Variants in IRX2 observed in about 807,000 individuals in gnomAD.
The protein encoded by IRX2 is iroquois homeobox 2.
In IRX2, 26 loss-of-function variants were observed where a neutral mutation model predicts 42.9. The observed-to-expected ratio is 0.61, with a 90% CI of 0.44 to 0.84. The LOEUF (loss-of-function observed/expected upper bound fraction) is 0.84, where lower values mean the gene tolerates loss of function less well. Ranked by LOEUF, IRX2 falls within the 40% of genes least tolerant of loss-of-function variation. The pLI is 0.00. For missense variants in IRX2, 782 were observed against 713.9 expected, an observed-to-expected ratio of 1.10 and a Z score of -1.09; for synonymous variants, 424 against 353.9, an observed-to-expected ratio of 1.20 and a Z score of -2.22.
At position 2,751,055 on chromosome 5, in the gene IRX2, C is replaced by T; in HGVS notation, c.249+110G>A. ...AGCCGGCGACTCCTGAGTCGCCAGC[C>T]GCGCCACATTCCCGGCGGCCCCCGC... On this transcript the variant is annotated intron_variant, in intron 1 of 3. Coordinates refer to ENST00000302057, the MANE Select transcript of IRX2 (RefSeq NM_033267.5). The surrounding 1 kb of genome is among the most constrained non-coding windows in gnomAD (Gnocchi z 4.0). 2.6e-6 allele frequency: 3 copies of T among 1,151,312 alleles called. No homozygotes were observed. Among genetic ancestry groups the T allele is most frequent in the Non-Finnish European group, 3.2e-6 (3 of 929,622 alleles). 71.3% of individuals were successfully genotyped at this position (1,151,312 alleles called of 1,614,324 possible). A position where few individuals can be genotyped will look rare whatever the true frequency, so the allele number is the denominator to read the frequency against.
rs1737778823 is a variant in IRX2 at position 2,748,573 on chromosome 5, C to T, written c.1135G>A (p.Gly379Ser). 6.4e-7 allele frequency: 1 copy of T among 1,562,360 alleles called. No individual in the cohort carries two copies. Among genetic ancestry groups the T allele is most frequent in the African/African-American group, 1.4e-5 (1 of 70,404 alleles). The change falls in exon 3 of 4, where the codon GGC becomes AGC. Residue 379 changes from glycine to serine, a missense_variant. Physicochemically the swap from Gly to Ser is moderately conservative, Grantham distance 56. This residue lies in a region of IRX2 where 520 missense variants were observed against 437.8 expected (regional missense o/e 1.19). Coordinates refer to ENST00000302057, the MANE Select transcript of IRX2 (RefSeq NM_033267.5). ...GGCGACGTGTAGTAGAGGGGGCGGC[C>T]CAGCAGCGGCGAGGCAGGGTAGGGC... ...GSPYPASPLL[G>S]RPLYYTSPFY...
chr5:2,739,725 C>T, the IRX2 span, among the ~76,000 whole-genome samples: 1 of 152,186 alleles, frequency 6.6e-6, no homozygotes, highest in Non-Finnish European at 1.5e-5. Flanking sequence ...CCTGCGCGCG[C>T]GGTTCCCAGA....
rs762129355 is a variant in IRX2, at chr5:2,748,818, C to T, written c.890G>A (p.Ser297Asn). The T allele has an allele frequency of 3.3e-6, 5 of 1,511,226 alleles. No individual in the cohort carries two copies. The South Asian group carries it at 6.2e-5, about 19-fold the overall frequency. The allele number at this position is 1,511,226 out of a possible 1,614,324, so 93.6% of individuals were successfully genotyped here. A position where few individuals can be genotyped will look rare whatever the true frequency, so the allele number is the denominator to read the frequency against. Residue 297 changes from serine to asparagine, a missense_variant, in exon 3 of 4, where the codon AGC becomes AAC. Around this residue, in one of 3 missense-constraint regions of IRX2, gnomAD observed 520 missense variants for 437.8 expected, o/e 1.19. Transcript: ENST00000302057. ...GCGGGGCGCGGCCTCGGGCGGGGGG[C>T]TCAGCAGCGGCGCCTCCAAGCCGGT... is the stretch of plus-strand genomic sequence containing the variant. Reference protein sequence around the residue: ...PLTGLEAPLLSPPPEAAPRGG... With the variant: ...PLTGLEAPLLNPPPEAAPRGG...
downstream of IRX2, chr5:2,746,143 A>G (rs139983014): frequency 6.6e-6 from 1 of 152,250 alleles, no homozygotes; most frequent in Admixed American, 6.5e-5. Flanking sequence ...TCTTCTAGGA[A>G]AAATAAGCCC....
chr5:2,737,446 T>A, the IRX2 span: 1 of 152,216 alleles, frequency 6.6e-6, no homozygotes, highest in South Asian at 2.1e-4. Flanking sequence ...TGGCTTCATC[T>A]AACTAACAAG....
chr5:2,749,761 G>A lies in IRX2; in HGVS notation c.276C>T (p.Thr92=), dbSNP rs753673663. 2.5e-6 allele frequency: 4 copies of A among 1,610,396 alleles called. No homozygotes were observed. The highest frequency in any genetic ancestry group is 1.1e-5 in the South Asian group (1 of 90,888). The change falls in exon 2 of 4, where the codon ACC becomes ACT. Residue 92 remains threonine (T), a synonymous_variant. Coordinates refer to ENST00000302057, the MANE Select transcript of IRX2 (RefSeq NM_033267.5). ...YMGAPYDAHT[T]GMTGAISYHP... is the part of the protein sequence containing the mutation. ...GGTAGCTGATGGCGCCGGTCATGCCGGTGGTGTGCGCGTCGTAGGGTGCGC... is the reference window on the plus strand; with the variant it reads ...GGTAGCTGATGGCGCCGGTCATGCCAGTGGTGTGCGCGTCGTAGGGTGCGC...
rs1560952787 is a variant in IRX2, at chr5:2,751,299, A to T, written c.115T>A (p.Ser39Thr). ...AAPRSEELARSASGSAFSPYP... is the reference protein window; with the variant it reads ...AAPRSEELARTASGSAFSPYP... ...GGGCTGAACGCCGAGCCCGACGCCG[A>T]GCGCGCCAGCTCCTCGCTGCGCGGA... Residue 39 changes from serine (S) to threonine (T), a missense_variant, in exon 1 of 4, where the codon TCG (serine) becomes ACG (threonine). Physicochemically the swap from Ser to Thr is moderately conservative, Grantham distance 58 (BLOSUM62 1). Coordinates refer to ENST00000302057, the MANE Select transcript of IRX2 (RefSeq NM_033267.5). This position sits in a 1 kb window ranked among gnomAD's most constrained non-coding sequence, Gnocchi z 4.0. 1 of 1,433,986 alleles carries T rather than the reference A, an allele frequency of 7.0e-7. No homozygotes were observed. Among genetic ancestry groups the T allele is most frequent in the Non-Finnish European group, 9.1e-7 (1 of 1,093,942 alleles). 88.8% of individuals were successfully genotyped at this position (1,433,986 alleles called of 1,614,324 possible).
In IRX2 at chr5:2,751,236, T is replaced by C; in HGVS notation, c.178A>G (p.Thr60Ala). The change falls in exon 1 of 4, where the codon ACC becomes GCC. Residue 60 changes from threonine (T) to alanine (A), a missense_variant. Transcript: ENST00000302057. The surrounding 1 kb of genome is among the most constrained non-coding windows in gnomAD (Gnocchi z 4.0). ...GSAAFTAQAA[T>A]GFGSPLQYSA... The stretch of plus-strand genomic sequence containing the variant: ...TACTGCAGCGGGCTCCCGAAGCCGG[T>C]GGCCGCCTGCGCCGTGAAGGCCGCC... The C allele has an allele frequency of 7.3e-7, 1 of 1,374,546 alleles. No homozygotes were observed. The highest frequency in any genetic ancestry group is 9.4e-7 in the Non-Finnish European group (1 of 1,063,916). The allele number at this position is 1,374,546 out of a possible 1,614,324, so 85.1% of individuals were successfully genotyped here.
In IRX2 at chr5:2,748,734, C is replaced by G. The variant is rs532436474; in HGVS notation, c.974G>C (p.Ser325Thr). 1.5e-6 allele frequency: 2 copies of G among 1,378,554 alleles called. No homozygotes were observed. The highest frequency in any genetic ancestry group is 3.2e-5 in the East Asian group (1 of 31,276). 85.4% of individuals were successfully genotyped at this position (1,378,554 alleles called of 1,614,324 possible). A position where few individuals can be genotyped will look rare whatever the true frequency, so the allele number is the denominator to read the frequency against. Residue 325 changes from serine to threonine, a missense_variant, in exon 3 of 4, where the codon AGC (serine) becomes ACC (threonine). Physicochemically the swap from Ser to Thr is moderately conservative, Grantham distance 58 (BLOSUM62 1). Transcript: ENST00000302057. ...GGCCAGCGACCACAGCTTGGGCTTG[C>G]TGGCGGGGGGCGGCGCGCCCGGAGA... ...RTSPGAPPPA[S>T]KPKLWSLAEI...
chr5:2,742,777 G>C (rs892108537), downstream of IRX2, among the ~76,000 whole-genome samples: 4 of 152,142 alleles, frequency 2.6e-5, no homozygotes, highest in African/African-American at 9.7e-5. Flanking sequence ...AAATGCCTCT[G>C]AGTGGACCAC....
Position 2,751,350 on chromosome 5 carries a change from C to T in IRX2, c.64G>A (p.Ala22Thr), listed in dbSNP as rs758350668. The T allele has an allele frequency of 6.9e-7, 1 of 1,439,720 alleles. No individual in the cohort carries two copies. The highest frequency in any genetic ancestry group is 1.3e-5 in the South Asian group (1 of 75,992). 89.2% of individuals were successfully genotyped at this position (1,439,720 alleles called of 1,614,324 possible). A position where few individuals can be genotyped will look rare whatever the true frequency, so the allele number is the denominator to read the frequency against. ...PGSLALYSCP[A>T]YGASALAAPR... is the part of the protein sequence containing the mutation. ...GCCGCCAAAGCCGACGCGCCGTAGG[C>T]CGGGCACGAGTAGAGCGCCAGCGAG... Residue 22 changes from alanine (A) to threonine (T), a missense_variant, in exon 1 of 4, where the codon GCC becomes ACC. This residue lies in a region of IRX2 where 256 missense variants were observed against 250.0 expected (regional missense o/e 1.02). Coordinates refer to ENST00000302057, the MANE Select transcript of IRX2 (RefSeq NM_033267.5). The surrounding 1 kb of genome is among the most constrained non-coding windows in gnomAD (Gnocchi z 4.0).
rs999673720 is a variant in IRX2, at chr5:2,747,042, G to A, written c.*522C>T. 1.3e-5 allele frequency: 2 copies of A among 152,120 alleles called. No homozygotes were observed. Among genetic ancestry groups the A allele is most frequent in the Admixed American group, 6.6e-5 (1 of 15,266 alleles). 9.4% of individuals were successfully genotyped at this position (152,120 alleles called of 1,614,324 possible). A position where few individuals can be genotyped will look rare whatever the true frequency, so the allele number is the denominator to read the frequency against. Reference sequence around the variant, plus strand: ...GGCTGATAAAAGACTAGTACGCCTCGTGTCTCTTCAGTCTTATTTTGCAAA... The same window carrying A: ...GGCTGATAAAAGACTAGTACGCCTCATGTCTCTTCAGTCTTATTTTGCAAA... On this transcript the variant is annotated 3_prime_UTR_variant, in exon 4 of 4. Transcript: ENST00000302057.
Position 2,748,621 on chromosome 5 carries a change from T to C in IRX2, c.1087A>G (p.Thr363Ala), listed in dbSNP as rs1283302222. Residue 363 changes from threonine to alanine, a missense_variant, in exon 3 of 4, where the codon ACC becomes GCC. Thr to Ala is a moderately conservative substitution (Grantham distance 58). This residue lies in a region of IRX2 where 520 missense variants were observed against 437.8 expected (regional missense o/e 1.19). Transcript: ENST00000302057. ...GGCGAGCCTCCTGGCGGTGCCCCGG[T>C]TGAGGCCGGCGCGGCGGCCGCGGGC... ...GLPAAAAPAS[T>A]GAPPGGSPYP... 6.6e-7 allele frequency: 1 copy of C among 1,504,688 alleles called. No individual in the cohort carries two copies. Among genetic ancestry groups the C allele is most frequent in the Non-Finnish European group, 8.8e-7 (1 of 1,131,278 alleles). 93.2% of individuals were successfully genotyped at this position (1,504,688 alleles called of 1,614,324 possible). A position where few individuals can be genotyped will look rare whatever the true frequency, so the allele number is the denominator to read the frequency against.
chr5:2,746,518 G>GA lies in IRX2; in HGVS notation c.*1045dup, dbSNP rs1471658140. 2.0e-5 allele frequency: 3 copies of GA among 152,270 alleles called. No homozygotes were observed. Among genetic ancestry groups the GA allele is most frequent in the African/African-American group, 4.8e-5 (2 of 41,404 alleles). The allele number at this position is 152,270 out of a possible 1,614,324, so 9.4% of individuals were successfully genotyped here. On this transcript the variant is annotated 3_prime_UTR_variant, in exon 4 of 4. Transcript: ENST00000302057. ...AAGTGATCAATTCAAGATATCCTGA[G>GA]AAAAACAGATTGTTTTCAAAAGTCA...
In IRX2 at chr5:2,751,641, C is replaced by G. The variant is rs1738001097; in HGVS notation, c.-228G>C. 1.3e-5 allele frequency: 2 copies of G among 152,046 alleles called. No homozygotes were observed. The highest frequency in any genetic ancestry group is 1.8e-4 in the South Asian group (1 of 5,640). 9.4% of individuals were successfully genotyped at this position (152,046 alleles called of 1,614,324 possible). A position where few individuals can be genotyped will look rare whatever the true frequency, so the allele number is the denominator to read the frequency against. On this transcript the variant is annotated 5_prime_UTR_variant, in exon 1 of 4. Transcript: ENST00000302057. The surrounding 1 kb of genome is among the most constrained non-coding windows in gnomAD (Gnocchi z 4.0). The stretch of plus-strand genomic sequence containing the variant: ...CGGTGGGCGCAGCCGCGCGCCAGGC[C>G]GGCGGTCGGGGTTTGGGGGAGTCTG...
the IRX2 span, among the ~76,000 whole-genome samples, chr5:2,736,044 CT>C: frequency 6.6e-6 from 1 of 152,198 alleles, no homozygotes. Flanking sequence ...CCTTGGCCTC[CT>C]CCCATCTGAA....
downstream of IRX2, among the ~76,000 whole-genome samples, chr5:2,743,364 G>A (rs1399255765): frequency 6.6e-6 from 1 of 152,192 alleles, no homozygotes; most frequent in African/African-American, 2.4e-5. Context: ...GGGCGCGGGA[G>A]GCAGCGCCCG....
chr5:2,744,110 G>C (rs1206005562), downstream of IRX2, among the ~76,000 whole-genome samples: 4 of 150,846 alleles, frequency 2.7e-5, no homozygotes, highest in Admixed American at 2.6e-4. Context: ...GTGTGTGTGT[G>C]TGTGTGTGTT....
rs763741116 is a variant in IRX2, at chr5:2,749,760, C to G, written c.277G>C (p.Gly93Arg). ...MGAPYDAHTT[G>R]MTGAISYHPY... Reference sequence around the variant, plus strand: ...TGGTAGCTGATGGCGCCGGTCATGCCGGTGGTGTGCGCGTCGTAGGGTGCG... The same window carrying G: ...TGGTAGCTGATGGCGCCGGTCATGCGGGTGGTGTGCGCGTCGTAGGGTGCG... The change falls in exon 2 of 4, where the codon GGC becomes CGC. Residue 93 changes from glycine (G) to arginine (R), a missense_variant. Physicochemically the swap from Gly to Arg is moderately radical, Grantham distance 125. Around this residue, in one of 3 missense-constraint regions of IRX2, gnomAD observed 256 missense variants for 250.0 expected, o/e 1.02. Transcript: ENST00000302057. 5.6e-6 allele frequency: 9 copies of G among 1,610,334 alleles called. No individual in the cohort carries two copies. The East Asian group carries it at 1.6e-4, about 28-fold the overall frequency.
Sources: allele counts gnomAD v4.1 joint callset (sites outside exome capture counted in the v4.1 genomes callset), GRCh38; gene constraint gnomAD v4.1.1; regional missense constraint gnomAD v4.1.1; non-coding constraint Gnocchi (gnomAD v3.1); transcripts MANE v1.5; gene names NCBI Gene and HGNC (gene_info 2026-07-23, HGNC 2026-07-21).